The following TSHZ2 variants were observed in gnomAD, a reference collection of about 807,000 sequenced individuals.
TSHZ2 encodes teashirt homolog 2.
TSHZ2 carries 21 observed loss-of-function variants against 74.4 expected under a neutral mutation model. The observed-to-expected ratio is 0.28, with a 90% CI of 0.20 to 0.41. The LOEUF (loss-of-function observed/expected upper bound fraction) is 0.41. Among genes scored for constraint, TSHZ2 ranks in the 10% least tolerant of loss-of-function variants. The probability of loss-of-function intolerance (pLI) is 1.00; values close to 1 mark genes in which losing one functional copy is unlikely to be tolerated. For missense variants in TSHZ2, 1,244 were observed against 1,293.5 expected (o/e 0.96, Z 0.59); for synonymous variants, 540 against 515.3 (o/e 1.05, Z -0.65).
intron 2 of TSHZ2, among the ~76,000 whole-genome samples, chr20:53,311,629 A>C (rs1170040051): frequency 6.6e-6 from 1 of 152,204 alleles, no homozygotes; most frequent in Admixed American, 6.5e-5. Context: ...CTGCCTTTTG[A>C]AGAGCTGCAG....
At chr20:53,484,629 G>A (rs7262162) in intron 2 of TSHZ2, among the ~76,000 whole-genome samples, 10,914 of 151,646 alleles carry the variant, frequency 0.072, 436 homozygotes, top group East Asian at 0.17. Context: ...CATGTGATCC[G>A]CCCGCCGTTG....
At chr20:53,151,855 G>A (rs1485413881) in intron 1 of TSHZ2, among the ~76,000 whole-genome samples, 1 of 152,144 alleles carries the variant, frequency 6.6e-6, no homozygotes, top group African/African-American at 2.4e-5. Flanking sequence ...TTAGCATAAT[G>A]TGAGATGAAG....
At chr20:53,087,726 G>T (rs2123250550) in intron 1 of TSHZ2, among the ~76,000 whole-genome samples, 1 of 152,332 alleles carries the variant, frequency 6.6e-6, no homozygotes. Flanking sequence ...GAGAAAAGTA[G>T]TATGTCTATT....
chr20:53,049,210 G>A (rs1259805805), intron 1 of TSHZ2, among the ~76,000 whole-genome samples: 1 of 152,054 alleles, frequency 6.6e-6, no homozygotes, highest in Non-Finnish European at 1.5e-5. Flanking sequence ...ACCAAAGAGG[G>A]GCCCCTAATC....
intron 1 of TSHZ2, among the ~76,000 whole-genome samples, chr20:53,026,586 T>C (rs1372922065): frequency 2.0e-5 from 3 of 152,058 alleles, no homozygotes; most frequent in Non-Finnish European, 4.4e-5. Context: ...CTATCATACA[T>C]CCACAAAAAG....
At chr20:53,055,231 C>CTT (rs1984601348) in intron 1 of TSHZ2, among the ~76,000 whole-genome samples, 2 of 152,150 alleles carry the variant, frequency 1.3e-5, no homozygotes, top group Non-Finnish European at 2.9e-5. Context: ...TTCTTATAAT[C>CTT]ATTCGTTGAG....
chr20:53,163,188 G>T (rs1317085657), intron 1 of TSHZ2, among the ~76,000 whole-genome samples: 1 of 151,966 alleles, frequency 6.6e-6, no homozygotes, highest in Non-Finnish European at 1.5e-5. Context: ...GAGGTGTGAT[G>T]GTCCCCACCT....
chr20:53,406,346 G>A (rs1456199776), intron 2 of TSHZ2, among the ~76,000 whole-genome samples: 1 of 152,214 alleles, frequency 6.6e-6, no homozygotes, highest in Non-Finnish European at 1.5e-5. Flanking sequence ...CAGCTAGAAG[G>A]TTTTAAGCCA....
intron 1 of TSHZ2, among the ~76,000 whole-genome samples, chr20:53,014,146 G>C (rs1401020336): frequency 1.3e-5 from 2 of 151,992 alleles, no homozygotes; most frequent in Non-Finnish European, 2.9e-5. Context: ...TCAAGTTTCT[G>C]GTAAAGGGTT....
intron 1 of TSHZ2, among the ~76,000 whole-genome samples, chr20:53,141,046 G>A (rs974531548): frequency 1.1e-4 from 16 of 152,226 alleles, no homozygotes; most frequent in African/African-American, 3.9e-4. Context: ...AAATGAGGTA[G>A]GCGGTATGGG....
chr20:53,178,605 T>G (rs1988399376), intron 1 of TSHZ2: 1 of 152,202 alleles, frequency 6.6e-6, no homozygotes, highest in Non-Finnish European at 1.5e-5. Flanking sequence ...CAATTTCATG[T>G]GGAAATTAAA....
At chr20:53,480,871 T>A (rs1986130369) in intron 2 of TSHZ2, among the ~76,000 whole-genome samples, 1 of 152,228 alleles carries the variant, frequency 6.6e-6, no homozygotes. Context: ...AAAGCATATG[T>A]CATTCTACGC....
chr20:53,109,214 T>C (rs1986462509), intron 1 of TSHZ2, among the ~76,000 whole-genome samples: 1 of 152,236 alleles, frequency 6.6e-6, no homozygotes, highest in Non-Finnish European at 1.5e-5. Flanking sequence ...ATCTACTTTA[T>C]AGGGTTTTGC....
chr20:53,035,479 G>C (rs1160183261), intron 1 of TSHZ2, among the ~76,000 whole-genome samples: 1 of 152,164 alleles, frequency 6.6e-6, no homozygotes, highest in Non-Finnish European at 1.5e-5. Flanking sequence ...AAAAACTCAA[G>C]AGGAAATTAA....
intron 2 of TSHZ2, among the ~76,000 whole-genome samples, chr20:53,311,888 C>G (rs1414129425): frequency 6.6e-6 from 1 of 152,040 alleles, no homozygotes; most frequent in Non-Finnish European, 1.5e-5. Context: ...TTGAGACCAG[C>G]CTTGGAAACA....
intron 2 of TSHZ2, among the ~76,000 whole-genome samples, chr20:53,469,915 AAGGAAGGC>A (rs1476660111): frequency 3.2e-4 from 48 of 150,114 alleles, no homozygotes; most frequent in East Asian, 9.8e-4. Context: ...GGAAGGAAGG[AAGGAAGGC>A]AGGCAGGCAG....
At chr20:53,422,994 G>C (rs1460543830) in intron 2 of TSHZ2, among the ~76,000 whole-genome samples, 1 of 151,478 alleles carries the variant, frequency 6.6e-6, no homozygotes, top group African/African-American at 2.4e-5. Flanking sequence ...CCATTTTATA[G>C]ATGAGAAAAC....
At chr20:53,064,707 C>CACACAA (rs1358074065) in intron 1 of TSHZ2, among the ~76,000 whole-genome samples, 1 of 151,580 alleles carries the variant, frequency 6.6e-6, no homozygotes, top group Non-Finnish European at 1.5e-5. Context: ...CACACACACA[C>CACACAA]AATTGTGTGA....
intron 2 of TSHZ2, among the ~76,000 whole-genome samples, chr20:53,461,932 T>A (rs1315919277): frequency 6.6e-6 from 1 of 152,126 alleles, no homozygotes; most frequent in Non-Finnish European, 1.5e-5. Context: ...CAAAACTGAA[T>A]TCTAAAAGAG....
Sources: allele counts gnomAD v4.1 joint callset (sites outside exome capture counted in the v4.1 genomes callset), GRCh38; gene constraint gnomAD v4.1.1; transcripts MANE v1.5; gene names NCBI Gene and HGNC (gene_info 2026-07-23, HGNC 2026-07-21).